ZFYVE16: variants seen among roughly 807,000 people sequenced by gnomAD.
ZFYVE16 encodes zinc finger FYVE domain-containing protein 16.
ZFYVE16 carries 89 observed loss-of-function variants against 138.1 expected under a neutral mutation model. The observed-to-expected ratio is 0.64, with a 90% confidence interval of 0.54 to 0.77. The LOEUF is 0.77. Ranked by LOEUF, ZFYVE16 falls within the 30% of genes least tolerant of loss-of-function variation. The pLI is 0.00. For missense variants in ZFYVE16, 1,793 were observed against 1,786.7 expected (o/e 1.00, Z -0.06); for synonymous variants, 596 against 618.3 (o/e 0.96, Z 0.53).
At chr5:80,418,425 A>G (rs1418020549) in intron 1 of ZFYVE16, among the ~76,000 whole-genome samples, 1 of 150,248 alleles carries the variant, frequency 6.7e-6, no homozygotes, top group East Asian at 2.0e-4. Context: ...CTATCCTCCC[A>G]TCTGAGCCTC....
At chr5:80,449,337 T>G (rs1297873210) in intron 8 of ZFYVE16, among the ~76,000 whole-genome samples, 1 of 152,210 alleles carries the variant, frequency 6.6e-6, no homozygotes, top group Non-Finnish European at 1.5e-5. Context: ...GCTAAAATTA[T>G]ATACATTTGC....
At chr5:80,424,488 A>T in intron 1 of ZFYVE16, among the ~76,000 whole-genome samples, 1 of 134,668 alleles carries the variant, frequency 7.4e-6, no homozygotes, top group African/African-American at 2.7e-5. Flanking sequence ...TTGAGACAGG[A>T]TCTTGCTCTG....
intron 3 of ZFYVE16, among the ~76,000 whole-genome samples, chr5:80,436,401 A>G (rs1397085105): frequency 6.6e-6 from 1 of 152,236 alleles, no homozygotes; most frequent in Non-Finnish European, 1.5e-5. Flanking sequence ...ATCAAGATCT[A>G]AGGACATTCG....
In ZFYVE16 at chr5:80,408,104, G is replaced by C. The variant is rs1744863745; in HGVS notation, c.-143G>C. On this transcript the variant is annotated 5_prime_UTR_variant, in exon 1 of 19. Transcript: ENST00000505560. ...GGCCGGGGTAGCTCTTCACTCCTCA[G>C]CGCGACGTCGTGTCGAGTTCCCAAA... is the stretch of plus-strand genomic sequence containing the variant. 6.6e-6 allele frequency: 1 copy of C among 152,380 alleles called. No homozygotes were observed. Among genetic ancestry groups the C allele is most frequent in the African/African-American group, 2.4e-5 (1 of 41,582 alleles). The allele number at this position is 152,380 out of a possible 1,614,324, so 9.4% of individuals were successfully genotyped here. A position where few individuals can be genotyped will look rare whatever the true frequency, so the allele number is the denominator to read the frequency against.
chr5:80,416,416 C>T (rs557842667), intron 1 of ZFYVE16, among the ~76,000 whole-genome samples: 6 of 151,838 alleles, frequency 4.0e-5, no homozygotes, highest in East Asian at 3.9e-4. Context: ...GCACCATGCC[C>T]GGCTAATTTT....
chr5:80,467,333 A>G (rs1261271010), intron 15 of ZFYVE16, among the ~76,000 whole-genome samples: 3 of 152,196 alleles, frequency 2.0e-5, no homozygotes, highest in African/African-American at 7.2e-5. Context: ...GGAAGGTCCT[A>G]TGTGTCCACC....
chr5:80,430,715 G>T (rs1748874656), intron 2 of ZFYVE16, among the ~76,000 whole-genome samples: 1 of 152,118 alleles, frequency 6.6e-6, no homozygotes, highest in Admixed American at 6.6e-5. Flanking sequence ...GAACAAAAGA[G>T]AGAAGAATCA....
chr5:80,450,511 T>C lies in ZFYVE16; in HGVS notation c.3307T>C (p.Cys1103Arg), dbSNP rs748816021. ...GGCAGAAATTATTATTCTATTGTTA[T>C]GTTTGCCAAATGAAGATACTATTCC... is the stretch of plus-strand genomic sequence containing the variant. ...GQAEIIILLL[C>R]LPNEDTIPKD... Residue 1103 changes from cysteine (C) to arginine (R), a missense_variant, in exon 10 of 19, where the codon TGT (cysteine) becomes CGT (arginine). Physicochemically the swap from Cys to Arg is radical, Grantham distance 180 (BLOSUM62 -3). Coordinates refer to ENST00000505560, the MANE Select transcript of ZFYVE16 (RefSeq NM_001284236.3). 15 of 1,613,502 alleles carry C rather than the reference T, an allele frequency of 9.3e-6. No homozygotes were observed. The highest frequency in any genetic ancestry group is 6.7e-5 in the Admixed American group (4 of 59,998).
At chr5:80,444,460 T>A (rs1205625220) in intron 6 of ZFYVE16, among the ~76,000 whole-genome samples, 11 of 136,792 alleles carry the variant, frequency 8.0e-5, no homozygotes, top group Non-Finnish European at 1.5e-4. Context: ...TTTTTTTTTT[T>A]AAAGTATTCT....
chr5:80,470,064 CGTGTGT>C (rs369109701), intron 15 of ZFYVE16, among the ~76,000 whole-genome samples: 606 of 59,506 alleles, frequency 0.01, 23 homozygotes, highest in Non-Finnish European at 0.019. Context: ...TGTATATATA[CGTGTGT>C]GTGTGTGTGT....
At chr5:80,427,261 T>G (rs1664123597) in intron 1 of ZFYVE16, among the ~76,000 whole-genome samples, 1 of 152,166 alleles carries the variant, frequency 6.6e-6, no homozygotes. Flanking sequence ...TTCCTTTAAT[T>G]GATCAATTCT....
chr5:80,428,272 A>T (rs555451918), intron 2 of ZFYVE16, among the ~76,000 whole-genome samples: 11 of 152,288 alleles, frequency 7.2e-5, no homozygotes, highest in African/African-American at 2.6e-4. Flanking sequence ...CAGAGGAATG[A>T]TGAGGCAGCA....
In ZFYVE16 at chr5:80,420,871, G is replaced by A. The variant is rs1444475160; in HGVS notation, c.-93-6621G>A. Among the ~76,000 whole-genome samples, 16 of 152,266 alleles carry A rather than the reference G, an allele frequency of 1.1e-4. 1 individual carries two copies. In the South Asian group the frequency reaches 2.5e-3, roughly 24 times the overall value. ...TTCTAGATCCCTAAGGAATCGCCAC[G>A]CTGTCTTCCACAATGGTTGAACTAG... On this transcript the variant is annotated intron_variant, in intron 1 of 18. Coordinates refer to ENST00000505560, the MANE Select transcript of ZFYVE16 (RefSeq NM_001284236.3).
At chr5:80,457,626 A>G (rs1429999419) in intron 14 of ZFYVE16, among the ~76,000 whole-genome samples, 2 of 152,192 alleles carry the variant, frequency 1.3e-5, no homozygotes, top group African/African-American at 4.8e-5. Flanking sequence ...ATTATAGGAT[A>G]CCATACTTAA....
chr5:80,468,025 A>G (rs1204854294), intron 15 of ZFYVE16, among the ~76,000 whole-genome samples: 1 of 152,114 alleles, frequency 6.6e-6, no homozygotes, highest in Non-Finnish European at 1.5e-5. Context: ...ATGCACCTGT[A>G]CCCCAAGCTA....
In ZFYVE16 at chr5:80,450,501, T is replaced by C; in HGVS notation, c.3297T>C (p.Ile1099=). The C allele has an allele frequency of 6.2e-7, 1 of 1,613,580 alleles. No individual in the cohort carries two copies. Among genetic ancestry groups the C allele is most frequent in the Admixed American group, 1.7e-5 (1 of 60,018 alleles). ...GCTTGGGACAGGCAGAAATTATTAT[T>C]CTATTGTTATGTTTGCCAAATGAAG... ...LHGLGQAEII[I]LLLCLPNEDT... The change falls in exon 10 of 19, where the codon ATT becomes ATC. Residue 1099 remains isoleucine (I), a synonymous_variant. Coordinates refer to ENST00000505560, the MANE Select transcript of ZFYVE16 (RefSeq NM_001284236.3).
chr5:80,458,697 A>G (rs554269188), intron 14 of ZFYVE16, among the ~76,000 whole-genome samples: 4 of 152,170 alleles, frequency 2.6e-5, no homozygotes, highest in Non-Finnish European at 5.9e-5. Context: ...GCCGTTTTGT[A>G]CACATTTGAA....
intron 1 of ZFYVE16, among the ~76,000 whole-genome samples, chr5:80,426,445 A>AC (rs1748092090): frequency 3.4e-5 from 5 of 148,604 alleles, no homozygotes; most frequent in African/African-American, 1.0e-4. Context: ...TCCCCTCACC[A>AC]CCACCCCCCC....
chr5:80,465,412 T>TTTTTG (rs1753629901), intron 15 of ZFYVE16, among the ~76,000 whole-genome samples: 1 of 119,694 alleles, frequency 8.4e-6, no homozygotes, highest in Admixed American at 9.3e-5. Context: ...TTTTTTTTTT[T>TTTTTG]TTTTTTTTTT....
Sources: allele counts gnomAD v4.1 joint callset (sites outside exome capture counted in the v4.1 genomes callset), GRCh38; gene constraint gnomAD v4.1.1; transcripts MANE v1.5; gene names NCBI Gene and HGNC (gene_info 2026-07-23, HGNC 2026-07-21).